Variants in CCDC57 observed in about 807,000 individuals in gnomAD.
CCDC57 encodes the protein coiled-coil domain-containing protein 57.
Under a neutral mutation model 118.9 loss-of-function variants are expected in CCDC57, and 118 were observed. The ratio of observed to expected loss-of-function variants is 0.99; its 90% CI spans 0.86 to 1.16. The LOEUF (loss-of-function observed/expected upper bound fraction) is 1.16, where lower values mean the gene tolerates loss of function less well. Ranked by LOEUF, CCDC57 falls within the 50% of genes most tolerant of loss-of-function variation. CCDC57 has a pLI of 0.00. For synonymous variants in CCDC57, 527 were observed against 532.9 expected, an observed-to-expected ratio of 0.99 and a Z score of 0.15; for missense variants, 1,300 against 1,320.7, an observed-to-expected ratio of 0.98 and a Z score of 0.24.
intron 19 of CCDC57, among the ~76,000 whole-genome samples, chr17:82,117,811 G>T (rs1037617566): frequency 6.6e-6 from 1 of 152,068 alleles, no homozygotes; most frequent in Non-Finnish European, 1.5e-5. Context: ...GGTGCCTCAC[G>T]CCTGCAACCA....
Position 82,168,862 on chromosome 17 carries a change from G to A in CCDC57, c.1882+2839C>T, listed in dbSNP as rs182457867. Among the ~76,000 whole-genome samples the A allele has an allele frequency of 6.7e-5, 10 of 148,870 alleles. No homozygotes were observed. In the East Asian group the frequency reaches 1.8e-3, roughly 26 times the overall value. ...ACAAAATATATGAAACAAAAACAAA[G>A]AATCGTGATTTAAAAAATAAAGATC... On this transcript the variant is annotated intron_variant, in intron 13 of 19. Coordinates refer to ENST00000665763, the Ensembl canonical transcript of CCDC57.
chr17:82,201,759 C>T, exon 3 of CCDC57: 1 of 1,613,872 alleles, frequency 6.2e-7, no homozygotes, highest in Non-Finnish European at 8.5e-7. Flanking sequence ...CCTCCAGCAC[C>T]TGAAGGTTGT....
At chr17:82,166,097 G>A (rs2146146626) in intron 13 of CCDC57, among the ~76,000 whole-genome samples, 1 of 150,608 alleles carries the variant, frequency 6.6e-6, no homozygotes, top group South Asian at 2.1e-4. Context: ...AACAGCCTTG[G>A]CAATATAGTG....
intron 14 of CCDC57, chr17:82,160,013 TA>T (rs112650500): frequency 2.4e-4 from 35 of 147,510 alleles, no homozygotes; most frequent in Non-Finnish European, 2.1e-4. Flanking sequence ...TTAGGAAGAT[TA>T]AAAAAAAAAA....
chr17:82,104,530 G>A (rs1414508745), intron 19 of CCDC57, among the ~76,000 whole-genome samples: 2 of 152,170 alleles, frequency 1.3e-5, no homozygotes, highest in Non-Finnish European at 2.9e-5. Flanking sequence ...TACTTGGAGG[G>A]TTTTTTAAAT....
At chr17:82,194,055 T>C in exon 6 of CCDC57, 1 of 1,613,912 alleles carries the variant, frequency 6.2e-7, no homozygotes, top group Middle Eastern at 1.7e-4. Context: ...AGCTCGGCGT[T>C]GGTGGCCTCT....
chr17:82,190,800 C>T (rs781412271), intron 7 of CCDC57, among the ~76,000 whole-genome samples: 12 of 151,368 alleles, frequency 7.9e-5, no homozygotes, highest in Non-Finnish European at 1.0e-4. Context: ...CTGCTTGCTC[C>T]CAGACATAAT....
chr17:82,198,553 C>T (rs992730386), intron 3 of CCDC57, 131 bp from the exon 3 acceptor site: 17 of 626,628 alleles, frequency 2.7e-5, no homozygotes, highest in African/African-American at 5.6e-5. Context: ...GCAGGACCCA[C>T]GGGGTAGCAG....
intron 16 of CCDC57, among the ~76,000 whole-genome samples, chr17:82,142,955 A>T (rs888037696): frequency 1.3e-5 from 2 of 152,112 alleles, no homozygotes; most frequent in Non-Finnish European, 2.9e-5. Context: ...ACCTGAGGTC[A>T]GGAGTTCGAG....
At chr17:82,151,070 GGC>G in intron 16 of CCDC57, among the ~76,000 whole-genome samples, 2 of 118,898 alleles carry the variant, frequency 1.7e-5, no homozygotes, top group African/African-American at 3.2e-5. Flanking sequence ...CCCAGAACCA[GGC>G]GCACACTCAG....
chr17:82,210,017 CATAAG>C (rs2050056843), intron 1 of CCDC57, among the ~76,000 whole-genome samples: 1 of 152,012 alleles, frequency 6.6e-6, no homozygotes, highest in Non-Finnish European at 1.5e-5. Context: ...TCAAGGCAAG[CATAAG>C]ATAAGCCTGA....
At chr17:82,134,096 C>A (rs1414616836) in exon 17 of CCDC57, 6 of 1,420,492 alleles carry the variant, frequency 4.2e-6, no homozygotes, top group Non-Finnish European at 5.5e-6. Flanking sequence ...TGGGGCTGCA[C>A]CTGTCCCAAA....
intron 13 of CCDC57, among the ~76,000 whole-genome samples, chr17:82,165,193 T>G (rs775353834): frequency 1.3e-5 from 2 of 152,088 alleles, no homozygotes; most frequent in African/African-American, 2.4e-5. Flanking sequence ...GCAAACCAAA[T>G]CTGTCAAACT....
At chr17:82,134,318 A>C (rs1277630047) in intron 16 of CCDC57, 124 bp from the exon 16 acceptor site, 1 of 992,206 alleles carries the variant, frequency 1.0e-6, no homozygotes, top group Non-Finnish European at 1.3e-6. Flanking sequence ...CTTCCATTAC[A>C]TCGAGAACTT....
chr17:82,121,854 G>A (rs1277551294), intron 19 of CCDC57, among the ~76,000 whole-genome samples: 3 of 152,136 alleles, frequency 2.0e-5, no homozygotes, highest in African/African-American at 4.8e-5. Context: ...GATAAAGGCC[G>A]GGAAGCTCTG....
chr17:82,183,733 T>TAGG (rs2046486206), intron 9 of CCDC57, 41 bp downstream of exon 8: 1 of 1,542,722 alleles, frequency 6.5e-7, no homozygotes, highest in African/African-American at 1.4e-5. Flanking sequence ...CACCTGCCCA[T>TAGG]AGGAGACCCT....
chr17:82,209,453 C>T (rs1419235766), intron 1 of CCDC57, among the ~76,000 whole-genome samples: 2 of 152,092 alleles, frequency 1.3e-5, no homozygotes, highest in Non-Finnish European at 2.9e-5. Context: ...ATTACAAGTG[C>T]GTAACTTGTA....
intron 19 of CCDC57, among the ~76,000 whole-genome samples, chr17:82,123,250 C>T (rs1374499147): frequency 6.6e-6 from 1 of 151,084 alleles, no homozygotes; most frequent in South Asian, 2.1e-4. Flanking sequence ...GCCTCTGTCT[C>T]CCAAAGTGCT....
intron 2 of CCDC57, among the ~76,000 whole-genome samples, chr17:82,203,809 T>C (rs1379496728): frequency 6.6e-6 from 1 of 152,124 alleles, no homozygotes; most frequent in Non-Finnish European, 1.5e-5. Flanking sequence ...ACTTCCGGCC[T>C]GGTGGGACAT....
Sources: allele counts gnomAD v4.1 joint callset (sites outside exome capture counted in the v4.1 genomes callset), GRCh38; gene constraint gnomAD v4.1.1; transcripts MANE v1.5; gene names NCBI Gene and HGNC (gene_info 2026-07-23, HGNC 2026-07-21).